NCALD: variants seen among roughly 807,000 people sequenced by gnomAD.
NCALD encodes neurocalcin-delta.
NCALD carries 10 observed loss-of-function variants against 18.6 expected under a neutral mutation model. That is an observed-to-expected ratio of 0.54 (90% CI 0.33 to 0.91). The LOEUF is 0.91. NCALD is among the 40% of genes least tolerant of loss of function. The pLI, the probability that NCALD is intolerant of heterozygous loss-of-function variation, is 0.03. For missense variants in NCALD, 184 were observed against 247.6 expected (o/e 0.74, Z 1.72); for synonymous variants, 88 against 87.4 (o/e 1.01, Z -0.04).
intron 1 of NCALD, among the ~76,000 whole-genome samples, chr8:102,074,989 C>T (rs1177733399): frequency 6.6e-6 from 1 of 152,128 alleles, no homozygotes; most frequent in Non-Finnish European, 1.5e-5. Context: ...GCTACACCTC[C>T]ATGCATCACA....
At position 101,687,052 on chromosome 8, in the gene NCALD, T is replaced by C. The variant is rs1309348563; in HGVS notation, c.*2257A>G. ...ACTATTTCTATACATTCTGGAAGTG[T>C]CGGCATTCATCAGCCTGCATGTGGC... On this transcript the variant is annotated 3_prime_UTR_variant, in exon 4 of 4. Coordinates refer to ENST00000220931, the MANE Select transcript of NCALD (RefSeq NM_032041.3). 1 of 151,846 alleles carries C rather than the reference T, an allele frequency of 6.6e-6. No homozygotes were observed. The highest frequency in any genetic ancestry group is 1.9e-4 in the East Asian group (1 of 5,176). 9.4% of individuals were successfully genotyped at this position (151,846 alleles called of 1,614,324 possible).
intron 2 of NCALD, among the ~76,000 whole-genome samples, chr8:101,705,722 G>C (rs1243713482): frequency 1.3e-5 from 2 of 152,122 alleles, no homozygotes; most frequent in African/African-American, 4.8e-5. Context: ...TGAGGAGTCT[G>C]GCCACCCCAA....
chr8:101,703,192 T>C (rs1309469605), intron 2 of NCALD, among the ~76,000 whole-genome samples: 2 of 152,164 alleles, frequency 1.3e-5, no homozygotes, highest in Admixed American at 6.5e-5. Flanking sequence ...CCTAGAATGC[T>C]TCTTCATGAG....
chr8:101,732,988 GAT>G (rs1816910792), intron 1 of NCALD, among the ~76,000 whole-genome samples: 1 of 152,090 alleles, frequency 6.6e-6, no homozygotes, highest in Non-Finnish European at 1.5e-5. Context: ...TTTCTCCAAG[GAT>G]AAGGGGTGTA....
chr8:101,962,927 A>T (rs1437808622), intron 2 of NCALD, among the ~76,000 whole-genome samples: 1 of 152,114 alleles, frequency 6.6e-6, no homozygotes, highest in East Asian at 1.9e-4. Context: ...AAAACAAACA[A>T]AAAAAACAAA....
At chr8:101,882,327 C>A (rs1294864004) in intron 4 of NCALD, among the ~76,000 whole-genome samples, 1 of 152,028 alleles carries the variant, frequency 6.6e-6, no homozygotes, top group Non-Finnish European at 1.5e-5. Context: ...TTTGGGGCAG[C>A]TGATTAGGAC....
chr8:102,075,132 G>A lies in NCALD; in HGVS notation c.-210+49105C>T, dbSNP rs368997666. Among the ~76,000 whole-genome samples, 24 of 152,164 alleles carry A rather than the reference G, an allele frequency of 1.6e-4. No homozygotes were observed. In the East Asian group the frequency reaches 3.3e-3, roughly 21 times the overall value. On this transcript the variant is annotated intron_variant, in intron 1 of 6. Transcript: ENST00000311028. ...CACACTGAGAAACTGAATATTTAAC[G>A]GGGCCTATTGCTCTGAAAAAACTCA...
At chr8:102,030,753 G>A (rs910783965) in intron 1 of NCALD, among the ~76,000 whole-genome samples, 1 of 152,066 alleles carries the variant, frequency 6.6e-6, no homozygotes, top group African/African-American at 2.4e-5. Context: ...GTGCACGCCT[G>A]TAATCCCAGC....
chr8:102,021,535 C>T (rs140660610), intron 1 of NCALD, among the ~76,000 whole-genome samples: 8 of 152,268 alleles, frequency 5.3e-5, no homozygotes, highest in South Asian at 2.1e-4. Context: ...AATTGGCTTA[C>T]GTATTCACAT....
intron 4 of NCALD, among the ~76,000 whole-genome samples, chr8:101,814,272 C>T (rs1328451178): frequency 6.6e-6 from 1 of 151,838 alleles, no homozygotes; most frequent in African/African-American, 2.4e-5. Flanking sequence ...AAATTGAATC[C>T]AACAATATAT....
At chr8:102,070,771 A>G (rs1824156482) in intron 1 of NCALD, among the ~76,000 whole-genome samples, 1 of 152,216 alleles carries the variant, frequency 6.6e-6, no homozygotes, top group African/African-American at 2.4e-5. Flanking sequence ...ATCTTAGCTC[A>G]TGGGCAGCCA....
At chr8:101,858,068 C>T (rs181146319) in intron 4 of NCALD, among the ~76,000 whole-genome samples, 1 of 152,246 alleles carries the variant, frequency 6.6e-6, no homozygotes, top group East Asian at 1.9e-4. Context: ...ACCATATATA[C>T]AAACTTCATG....
intron 2 of NCALD, among the ~76,000 whole-genome samples, chr8:101,929,575 GGGAGGGAAGGAA>G (rs1327899229): frequency 1.3e-3 from 96 of 74,146 alleles, no homozygotes; most frequent in South Asian, 3.9e-3. Context: ...AAGGGAAGGA[GGGAGGGAAGGAA>G]GGAGGCAGGG....
chr8:101,719,497 T>C lies in NCALD; in HGVS notation c.133A>G (p.Met45Val). 4.3e-6 allele frequency: 7 copies of C among 1,614,224 alleles called. No homozygotes were observed. Among genetic ancestry groups the C allele is most frequent in the Non-Finnish European group, 5.9e-6 (7 of 1,180,032 alleles). ...LRDCPSGHLS[M>V]EEFKKIYGNF... Reference sequence around the variant, plus strand: ...CCATATATTTTCTTAAACTCTTCCATTGACAAATGTCCACTGGGGCAGTCT... The same window carrying C: ...CCATATATTTTCTTAAACTCTTCCACTGACAAATGTCCACTGGGGCAGTCT... Residue 45 changes from methionine to valine, a missense_variant, in exon 2 of 4, where the codon ATG becomes GTG. Physicochemically the swap from Met to Val is conservative, Grantham distance 21. Transcript: ENST00000220931.
At chr8:101,993,291 T>C (rs1000245221) in intron 2 of NCALD, among the ~76,000 whole-genome samples, 10 of 152,210 alleles carry the variant, frequency 6.6e-5, no homozygotes, top group African/African-American at 2.4e-4. Context: ...ATCATCAGTT[T>C]TCCAGAGTCA....
At chr8:101,856,152 G>A (rs746308537) in intron 4 of NCALD, among the ~76,000 whole-genome samples, 25 of 152,040 alleles carry the variant, frequency 1.6e-4, no homozygotes, top group African/African-American at 3.9e-4. Flanking sequence ...CTCTTGTTTC[G>A]TTTGTTTATT....
At chr8:102,079,665 G>T (rs973440235) in intron 1 of NCALD, among the ~76,000 whole-genome samples, 2 of 152,166 alleles carry the variant, frequency 1.3e-5, no homozygotes, top group African/African-American at 4.8e-5. Flanking sequence ...GCAACAAGGA[G>T]CCCTATGTAT....
At chr8:101,905,349 G>A (rs1274172073) in intron 3 of NCALD, among the ~76,000 whole-genome samples, 1 of 149,794 alleles carries the variant, frequency 6.7e-6, no homozygotes, top group Admixed American at 6.7e-5. Context: ...CCCCCTACTT[G>A]CTTTTCTTCC....
chr8:101,837,968 T>C (rs1382139574), intron 4 of NCALD, among the ~76,000 whole-genome samples: 1 of 152,232 alleles, frequency 6.6e-6, no homozygotes, highest in Non-Finnish European at 1.5e-5. Flanking sequence ...GAATCATGTC[T>C]ATCTTATATA....
Sources: gnomAD v4.1 joint callset for allele counts (sites outside exome capture counted in the v4.1 genomes callset) on GRCh38, gnomAD v4.1.1 for gene constraint, MANE v1.5 for transcripts, NCBI Gene and HGNC (gene_info 2026-07-23, HGNC 2026-07-21) for gene names.